HMGA2: variants seen among roughly 807,000 people sequenced by gnomAD.
HMGA2 encodes the protein high mobility group AT-hook 2.
HMGA2 carries 8 observed loss-of-function variants against 19.1 expected under a neutral mutation model. That is an observed-to-expected ratio of 0.42 (90% CI 0.25 to 0.76). HMGA2 has a LOEUF of 0.76. HMGA2 is among the 30% of genes least tolerant of loss of function. The pLI is 0.28. For synonymous variants in HMGA2, 60 were observed against 48.8 expected (o/e 1.23, Z -0.96); for missense variants, 109 against 136.3 (o/e 0.80, Z 1.00).
chr12:65,940,706 T>C (rs368796087), intron 3 of HMGA2, among the ~76,000 whole-genome samples: 1 of 152,192 alleles, frequency 6.6e-6, no homozygotes, highest in African/African-American at 2.4e-5. Flanking sequence ...GAAAAAGATG[T>C]GGAGCTATAC....
chr12:65,841,499 C>T (rs1158701189), intron 3 of HMGA2, among the ~76,000 whole-genome samples: 3 of 152,204 alleles, frequency 2.0e-5, no homozygotes, highest in African/African-American at 7.2e-5. Context: ...CAGCCAGTCA[C>T]AGCAAGGCAT....
chr12:65,887,717 A>G (rs1212213181), intron 3 of HMGA2, among the ~76,000 whole-genome samples: 2 of 152,094 alleles, frequency 1.3e-5, no homozygotes, highest in African/African-American at 4.8e-5. Context: ...AAAAATTTAC[A>G]GTTAGGATTT....
chr12:65,848,804 C>G (rs1348024303), intron 3 of HMGA2, among the ~76,000 whole-genome samples: 2 of 151,814 alleles, frequency 1.3e-5, no homozygotes, highest in Non-Finnish European at 2.9e-5. Flanking sequence ...TGCAGTGAGC[C>G]GAGATTGCGC....
chr12:65,831,580 G>C (rs1207518897), intron 2 of HMGA2, among the ~76,000 whole-genome samples: 2 of 151,784 alleles, frequency 1.3e-5, no homozygotes, highest in African/African-American at 4.8e-5. Flanking sequence ...AAAATATCTA[G>C]ATAAAGTAGT....
intron 3 of HMGA2, among the ~76,000 whole-genome samples, chr12:65,931,553 G>GTGTGTGTT (rs1277852849): frequency 1.5e-5 from 1 of 64,962 alleles, no homozygotes; most frequent in African/African-American, 4.6e-5. Flanking sequence ...ATAGATGTTT[G>GTGTGTGTT]TGTGTGTGTG....
chr12:65,881,765 G>C, intron 3 of HMGA2: 1 of 703,096 alleles, frequency 1.4e-6, no homozygotes, highest in Non-Finnish European at 2.6e-6. Context: ...AAGAGCCCGT[G>C]CTGGTGAAGG....
chr12:65,939,135 A>G (rs945049238), intron 3 of HMGA2, among the ~76,000 whole-genome samples: 1 of 152,184 alleles, frequency 6.6e-6, no homozygotes, highest in Non-Finnish European at 1.5e-5. Context: ...GACTAGAAAC[A>G]TAGTAGGGAC....
At chr12:65,950,358 A>C (rs1876416605) in intron 3 of HMGA2, among the ~76,000 whole-genome samples, 1 of 152,264 alleles carries the variant, frequency 6.6e-6, no homozygotes, top group South Asian at 2.1e-4. Context: ...ATACAAGGGA[A>C]AATTATTTAG....
rs1026316876 is a variant in HMGA2 at position 65,951,495 on chromosome 12, C to T, written c.282+80C>T. The T allele has an allele frequency of 2.2e-4, 197 of 881,576 alleles. 1 individual carries two copies. Among genetic ancestry groups the T allele is most frequent in the Non-Finnish European group, 4.7e-5 (26 of 551,170 alleles). The allele number at this position is 881,576 out of a possible 1,614,324, so 54.6% of individuals were successfully genotyped here. On this transcript the variant is annotated intron_variant, in intron 4 of 4. Transcript: ENST00000403681. ...TACTGAAAAATGTCCCCAAACTAAA[C>T]CTTATTTCGCATTTTCTTACTTTTG...
intron 3 of HMGA2, among the ~76,000 whole-genome samples, chr12:65,942,906 C>T (rs59592284): frequency 6.6e-6 from 1 of 152,052 alleles, no homozygotes; most frequent in Admixed American, 6.6e-5. Flanking sequence ...TGATACTTTT[C>T]TTCTACTTCG....
intron 2 of HMGA2, 165 bp downstream of exon 2, chr12:65,828,252 T>C (rs2120827456): frequency 1.5e-6 from 1 of 652,116 alleles, no homozygotes. Flanking sequence ...TTAACCTTTT[T>C]TGTAAGCAGA....
chr12:65,935,837 A>C (rs1263572869), intron 3 of HMGA2, among the ~76,000 whole-genome samples: 3 of 152,202 alleles, frequency 2.0e-5, no homozygotes, highest in South Asian at 2.1e-4. Flanking sequence ...CTCAAACAAT[A>C]GTACATTTTA....
intron 3 of HMGA2, among the ~76,000 whole-genome samples, chr12:65,879,482 GT>G (rs958309603): frequency 3.3e-5 from 5 of 152,084 alleles, no homozygotes; most frequent in African/African-American, 9.7e-5. Flanking sequence ...TATATATAAA[GT>G]TTTTTTCTTC....
intron 3 of HMGA2, among the ~76,000 whole-genome samples, chr12:65,950,312 C>T (rs1355452017): frequency 6.6e-6 from 1 of 152,106 alleles, no homozygotes; most frequent in Non-Finnish European, 1.5e-5. Context: ...AGATGTCCAC[C>T]AACTAATGAA....
intron 3 of HMGA2, among the ~76,000 whole-genome samples, chr12:65,868,626 T>C (rs1322532868): frequency 6.6e-6 from 1 of 152,184 alleles, no homozygotes; most frequent in Non-Finnish European, 1.5e-5. Flanking sequence ...TTGTACATAA[T>C]CACCATTTTC....
intron 2 of HMGA2, among the ~76,000 whole-genome samples, chr12:65,834,880 A>C (rs1196554038): frequency 6.6e-6 from 1 of 152,206 alleles, no homozygotes; most frequent in African/African-American, 2.4e-5. Flanking sequence ...ATATATCATA[A>C]AATTAAGTGT....
At chr12:65,891,607 G>A (rs141065855) in intron 3 of HMGA2, among the ~76,000 whole-genome samples, 2 of 152,270 alleles carry the variant, frequency 1.3e-5, no homozygotes, top group African/African-American at 2.4e-5. Flanking sequence ...TAAGAGTCGC[G>A]TAAATAATAA....
At chr12:65,833,436 T>G (rs1371769957) in intron 2 of HMGA2, among the ~76,000 whole-genome samples, 1 of 150,826 alleles carries the variant, frequency 6.6e-6, no homozygotes, top group Non-Finnish European at 1.5e-5. Context: ...TTGGTACAGA[T>G]GCACTGATGG....
intron 3 of HMGA2, chr12:65,915,029 A>G: frequency 1.2e-6 from 2 of 1,612,936 alleles, no homozygotes; most frequent in Non-Finnish European, 1.7e-6. Flanking sequence ...TATTCATGCC[A>G]TATGCCCCAT....
Sources: gnomAD v4.1 joint callset for allele counts (sites outside exome capture counted in the v4.1 genomes callset) on GRCh38, gnomAD v4.1.1 for gene constraint, MANE v1.5 for transcripts, NCBI Gene and HGNC (gene_info 2026-07-23, HGNC 2026-07-21) for gene names.